The following EVI5 variants were observed in gnomAD, a reference collection of about 807,000 sequenced individuals.
EVI5 encodes the protein ecotropic viral integration site 5 protein homolog.
Under a neutral mutation model 112.0 loss-of-function variants are expected in EVI5, and 73 were observed. The ratio of observed to expected loss-of-function variants is 0.65; its 90% CI spans 0.54 to 0.79. The LOEUF (loss-of-function observed/expected upper bound fraction) is 0.79. EVI5 is among the 30% of genes least tolerant of loss of function. EVI5 has a pLI of 0.00. For synonymous variants in EVI5, 305 were observed against 319.9 expected (o/e 0.95, Z 0.50); for missense variants, 900 against 968.8 (o/e 0.93, Z 0.94).
At chr1:92,527,172 T>TG (rs1392304149) in intron 19 of EVI5, among the ~76,000 whole-genome samples, 1 of 152,050 alleles carries the variant, frequency 6.6e-6, no homozygotes, top group Admixed American at 6.6e-5. Context: ...CCCAGCAGTT[T>TG]GGGAGGTGGA....
intron 1 of EVI5, among the ~76,000 whole-genome samples, chr1:92,741,167 GA>G (rs1221538726): frequency 3.9e-5 from 6 of 152,180 alleles, no homozygotes; most frequent in African/African-American, 1.4e-4. Flanking sequence ...TACAAGTGAA[GA>G]AATGATGACA....
chr1:92,610,405 A>G (rs914639142), intron 16 of EVI5, among the ~76,000 whole-genome samples: 2 of 152,180 alleles, frequency 1.3e-5, no homozygotes, highest in African/African-American at 2.4e-5. Context: ...CCATAATTCA[A>G]CATTATGGTT....
In EVI5 at chr1:92,682,579, T is replaced by C. The variant is rs1006556609; in HGVS notation, c.1098-5361A>G. Among the ~76,000 whole-genome samples, 7 of 152,046 alleles carry C rather than the reference T, an allele frequency of 4.6e-5. No homozygotes were observed. The South Asian group carries it at 8.3e-4, about 18-fold the overall frequency. On this transcript the variant is annotated intron_variant, in intron 9 of 19. Transcript: ENST00000684568. ...GAGTTCGAGACCAGCCTGGCCAACA[T>C]AGCGAAACCCAGTCTCTACTAAAAA...
chr1:92,761,368 A>G (rs1681846168), intron 1 of EVI5, among the ~76,000 whole-genome samples: 1 of 152,198 alleles, frequency 6.6e-6, no homozygotes, highest in Non-Finnish European at 1.5e-5. Flanking sequence ...AAGTATTTGT[A>G]ACGCCAAATG....
chr1:92,710,752 T>TG lies in EVI5; in HGVS notation c.150-6009_150-6008insC, dbSNP rs1558124887. Among the ~76,000 whole-genome samples the TG allele has an allele frequency of 1.9e-4, 27 of 143,384 alleles. 1 individual carries two copies. The highest frequency in any genetic ancestry group is 5.2e-4 in the African/African-American group (20 of 38,104). The allele number at this position is 143,384 out of a possible 152,430, so 94.1% of individuals were successfully genotyped here. On this transcript the variant is annotated intron_variant, in intron 2 of 19. Transcript: ENST00000684568. ...CAGCCACACAATAGTGAGATTGGGG[T>TG]TGGGGGGGGGGTGCCAATATACCAA...
chr1:92,551,036 C>CTTTTTTT, intron 19 of EVI5, among the ~76,000 whole-genome samples: 1 of 59,312 alleles, frequency 1.7e-5, no homozygotes, highest in Non-Finnish European at 2.7e-5. Flanking sequence ...TTCTTTCTTT[C>CTTTTTTT]TTTCTTTTTT....
chr1:92,557,171 C>T (rs904465906), intron 19 of EVI5, among the ~76,000 whole-genome samples: 1 of 152,148 alleles, frequency 6.6e-6, no homozygotes, highest in African/African-American at 2.4e-5. Flanking sequence ...AATGATTATT[C>T]CTACAAAGTA....
At chr1:92,661,018 A>C (rs192991280) in intron 13 of EVI5, among the ~76,000 whole-genome samples, 1,975 of 151,282 alleles carry the variant, frequency 0.013, 45 homozygotes, top group African/African-American at 0.044. Flanking sequence ...TTTGGGAAAA[A>C]ACACACACAC....
chr1:92,536,692 T>C (rs1663959424), intron 19 of EVI5, among the ~76,000 whole-genome samples: 1 of 152,210 alleles, frequency 6.6e-6, no homozygotes, highest in South Asian at 2.1e-4. Flanking sequence ...TTTAGAGTTT[T>C]GTAGTCTTTA....
At position 92,694,355 on chromosome 1, in the gene EVI5, G is replaced by C; in HGVS notation, c.943C>G (p.Leu315Val). The change falls in exon 8 of 20, where the codon CTT (leucine) becomes GTT (valine). Residue 315 changes from leucine to valine, a missense_variant. Transcript: ENST00000684568. Reference protein sequence around the residue: ...LEIVFRVGLALLQMNQAELMQ... With the variant: ...LEIVFRVGLAVLQMNQAELMQ... ...AGTTCTGCCTGATTCATCTGAAGAA[G>C]TGCTAATCCTACACGAAACACTATT... The C allele has an allele frequency of 1.2e-6, 2 of 1,605,540 alleles. No homozygotes were observed. Among genetic ancestry groups the C allele is most frequent in the Non-Finnish European group, 1.7e-6 (2 of 1,173,686 alleles).
intron 1 of EVI5, among the ~76,000 whole-genome samples, chr1:92,739,758 T>A (rs1254718556): frequency 6.6e-6 from 1 of 152,110 alleles, no homozygotes; most frequent in Non-Finnish European, 1.5e-5. Context: ...GATTCTGATT[T>A]TAGATCAAAA....
At chr1:92,600,388 A>G (rs1457357157) in intron 18 of EVI5, among the ~76,000 whole-genome samples, 1 of 40,474 alleles carries the variant, frequency 2.5e-5, no homozygotes, top group Non-Finnish European at 4.4e-5. Context: ...ATATTTGTAC[A>G]CATACAATGT....
chr1:92,653,346 C>T (rs1233020922), intron 13 of EVI5, among the ~76,000 whole-genome samples: 1 of 152,246 alleles, frequency 6.6e-6, no homozygotes, highest in Admixed American at 6.5e-5. Context: ...GGAGCACCCA[C>T]TGGGACAAAG....
intron 10 of EVI5, among the ~76,000 whole-genome samples, chr1:92,666,320 T>C (rs1664876462): frequency 6.6e-6 from 1 of 151,596 alleles, no homozygotes; most frequent in Non-Finnish European, 1.5e-5. Flanking sequence ...GGAATGGTGG[T>C]GATGAGCCTG....
intron 16 of EVI5, among the ~76,000 whole-genome samples, chr1:92,621,148 T>C (rs1434122171): frequency 6.6e-6 from 1 of 151,558 alleles, no homozygotes; most frequent in Admixed American, 6.6e-5. Context: ...ACAATAAATA[T>C]CTAATAAATC....
intron 13 of EVI5, 147 bp from the exon 14 acceptor site, chr1:92,636,483 T>A (rs1035672475): frequency 3.2e-6 from 2 of 627,978 alleles, no homozygotes; most frequent in African/African-American, 1.9e-5. Flanking sequence ...CCAATGTATC[T>A]CCTCCAATTA....
chr1:92,578,355 T>C (rs1671397698), intron 18 of EVI5, among the ~76,000 whole-genome samples: 2 of 152,174 alleles, frequency 1.3e-5, no homozygotes, highest in South Asian at 2.1e-4. Flanking sequence ...TTTTTTGGCA[T>C]GGCCTCTTTA....
chr1:92,667,102 T>A (rs1036843288), intron 10 of EVI5, among the ~76,000 whole-genome samples: 1 of 152,120 alleles, frequency 6.6e-6, no homozygotes, highest in African/African-American at 2.4e-5. Context: ...CTGGACAACA[T>A]GGCAAAACCC....
Position 92,631,247 on chromosome 1 carries a change from T to C in EVI5, c.1527+4955A>G, listed in dbSNP as rs559931152. 4.5e-3 allele frequency among the ~76,000 whole-genome samples: 689 copies of C among 152,300 alleles called. 3 individuals carry two copies. Among genetic ancestry groups the C allele is most frequent in the Middle Eastern group, 0.017 (5 of 294 alleles). ...CATTGGTAGCTTGATGGGGATGGCA[T>C]TGAATCTATAAATTACCTTGGGCAG... On this transcript the variant is annotated intron_variant, in intron 14 of 19. Transcript: ENST00000684568.
Sources: gnomAD v4.1 joint callset for allele counts (sites outside exome capture counted in the v4.1 genomes callset) on GRCh38, gnomAD v4.1.1 for gene constraint, MANE v1.5 for transcripts, NCBI Gene and HGNC (gene_info 2026-07-23, HGNC 2026-07-21) for gene names.